The following DENND1B variants were observed in gnomAD, a reference collection of about 807,000 sequenced individuals.
DENND1B encodes the protein DENN domain containing 1B.
A neutral mutation model predicts 90.1 loss-of-function variants in DENND1B; 59 were observed. The observed-to-expected ratio is 0.65, with a 90% CI of 0.53 to 0.81. The LOEUF (loss-of-function observed/expected upper bound fraction) is 0.81, where lower values mean the gene tolerates loss of function less well. DENND1B is among the 40% of genes least tolerant of loss of function. The pLI is 0.00. For missense variants in DENND1B, 862 were observed against 912.6 expected (o/e 0.94, Z 0.71); for synonymous variants, 337 against 324.6 (o/e 1.04, Z -0.41).
At chr1:197,676,082 CAAAAAA>C (rs3046951) in intron 3 of DENND1B, among the ~76,000 whole-genome samples, 1 of 114,930 alleles carries the variant, frequency 8.7e-6, no homozygotes, top group African/African-American at 3.6e-5. Context: ...ACAGTATAGA[CAAAAAA>C]AAAAAAAAAT....
intron 2 of DENND1B, among the ~76,000 whole-genome samples, chr1:197,771,157 C>T (rs1247457962): frequency 6.6e-6 from 1 of 151,996 alleles, no homozygotes; most frequent in Non-Finnish European, 1.5e-5. Context: ...GATGATCTGT[C>T]CACCTCGGCC....
At chr1:197,568,029 CGGAG>C (rs1558250844) in intron 15 of DENND1B, among the ~76,000 whole-genome samples, 1 of 130,852 alleles carries the variant, frequency 7.6e-6, no homozygotes, top group Non-Finnish European at 1.6e-5. Context: ...AAGGAAGGGA[CGGAG>C]GGAAGGCAGG....
intron 2 of DENND1B, chr1:197,735,215 T>C: frequency 1.3e-5 from 14 of 1,052,898 alleles, no homozygotes; most frequent in Non-Finnish European, 1.5e-5. Context: ...GAGTATCTTT[T>C]ACATCAATGA....
intron 20 of DENND1B, among the ~76,000 whole-genome samples, chr1:197,521,302 A>T (rs1668758484): frequency 6.6e-6 from 1 of 152,000 alleles, no homozygotes; most frequent in Non-Finnish European, 1.5e-5. Flanking sequence ...TGCACCAAGG[A>T]GACTGTTAAC....
In DENND1B at chr1:197,775,123, G is replaced by A. The variant is rs1476486966; in HGVS notation, c.17+16C>T. 11 of 1,279,064 alleles carry A rather than the reference G, an allele frequency of 8.6e-6. No individual in the cohort carries two copies. The African/African-American group carries it at 1.2e-4, about 14-fold the overall frequency. The allele number at this position is 1,279,064 out of a possible 1,614,324, so 79.2% of individuals were successfully genotyped here. A position where few individuals can be genotyped will look rare whatever the true frequency, so the allele number is the denominator to read the frequency against. ...AGGGACGCCCGCCCCCGACGCGCCC[G>A]GGCCCCCCCACTCACTTGGTCCTGC... On this transcript the variant is annotated intron_variant, in intron 1 of 22. Transcript: ENST00000620048.
At chr1:197,646,610 A>G (rs1680754526) in intron 8 of DENND1B, among the ~76,000 whole-genome samples, 2 of 152,144 alleles carry the variant, frequency 1.3e-5, no homozygotes, top group South Asian at 4.1e-4. Context: ...GAAAAGAAAC[A>G]TTTTAGCCAA....
At chr1:197,540,553 C>T (rs1009493641) in intron 19 of DENND1B, among the ~76,000 whole-genome samples, 1 of 152,188 alleles carries the variant, frequency 6.6e-6, no homozygotes, top group South Asian at 2.1e-4. Flanking sequence ...GAACATTCTT[C>T]ATTTTAAAGT....
chr1:197,764,553 A>G (rs1655469860), intron 2 of DENND1B, among the ~76,000 whole-genome samples: 1 of 152,138 alleles, frequency 6.6e-6, no homozygotes, highest in African/African-American at 2.4e-5. Flanking sequence ...GTTAATCACA[A>G]TTACAAGAGT....
intron 14 of DENND1B, among the ~76,000 whole-genome samples, chr1:197,584,599 T>C (rs1336203796): frequency 6.6e-6 from 1 of 152,204 alleles, no homozygotes; most frequent in African/African-American, 2.4e-5. Context: ...TGGTGTCACC[T>C]ACCATCAGCT....
intron 20 of DENND1B, among the ~76,000 whole-genome samples, chr1:197,537,573 A>G (rs887245834): frequency 6.6e-5 from 10 of 152,064 alleles, no homozygotes; most frequent in Non-Finnish European, 1.5e-4. Flanking sequence ...TTACTTTGCA[A>G]AAAAACAGGT....
At chr1:197,530,988 G>A (rs1669572106) in intron 20 of DENND1B, among the ~76,000 whole-genome samples, 1 of 152,106 alleles carries the variant, frequency 6.6e-6, no homozygotes, top group Admixed American at 6.5e-5. Context: ...CATGACAATA[G>A]TGGTTAGGTA....
At chr1:197,590,284 T>C (rs1293415334) in intron 14 of DENND1B, among the ~76,000 whole-genome samples, 1 of 152,184 alleles carries the variant, frequency 6.6e-6, no homozygotes, top group Non-Finnish European at 1.5e-5. Context: ...ATAGGTTAAT[T>C]TGCCCCAAGT....
At chr1:197,524,550 T>C (rs929777238) in intron 20 of DENND1B, among the ~76,000 whole-genome samples, 2 of 152,066 alleles carry the variant, frequency 1.3e-5, no homozygotes, top group African/African-American at 4.8e-5. Flanking sequence ...AGGGTGATGG[T>C]TGGATGTAAA....
intron 15 of DENND1B, among the ~76,000 whole-genome samples, chr1:197,581,376 T>C (rs1674223472): frequency 1.3e-5 from 2 of 152,202 alleles, no homozygotes; most frequent in Admixed American, 1.3e-4. Context: ...TTTCATATTT[T>C]ACATTTAACG....
At chr1:197,740,431 G>T (rs1261814047) in intron 2 of DENND1B, among the ~76,000 whole-genome samples, 1 of 152,082 alleles carries the variant, frequency 6.6e-6, no homozygotes, top group Admixed American at 6.6e-5. Context: ...AATAAAAAAG[G>T]AATTATGAGC....
intron 10 of DENND1B, among the ~76,000 whole-genome samples, chr1:197,623,016 G>A (rs1259490074): frequency 6.6e-6 from 1 of 151,142 alleles, no homozygotes; most frequent in Non-Finnish European, 1.5e-5. Flanking sequence ...TACAGGTAAA[G>A]GTATCATATA....
intron 15 of DENND1B, among the ~76,000 whole-genome samples, chr1:197,555,183 C>A (rs1671612213): frequency 1.3e-5 from 2 of 151,914 alleles, no homozygotes; most frequent in South Asian, 4.1e-4. Context: ...AAAAAATTAA[C>A]TCAAGGTGAA....
chr1:197,690,261 A>G, intron 3 of DENND1B: 1 of 261,418 alleles, frequency 3.8e-6, no homozygotes, highest in Non-Finnish European at 7.8e-6. Context: ...TGACTCACCA[A>G]TGGAAGCAGC....
At chr1:197,743,786 C>T (rs1315193058) in intron 2 of DENND1B, among the ~76,000 whole-genome samples, 1 of 152,084 alleles carries the variant, frequency 6.6e-6, no homozygotes, top group Non-Finnish European at 1.5e-5. Context: ...TGTTCAAGGC[C>T]AGCCTGGGCA....
Sources: allele counts gnomAD v4.1 joint callset (sites outside exome capture counted in the v4.1 genomes callset), GRCh38; gene constraint gnomAD v4.1.1; transcripts MANE v1.5; gene names NCBI Gene and HGNC (gene_info 2026-07-23, HGNC 2026-07-21).